Variants in SPTLC1 observed in about 807,000 individuals in gnomAD.
SPTLC1 encodes serine palmitoyltransferase long chain base subunit 1.
Under a neutral mutation model 68.9 loss-of-function variants are expected in SPTLC1, and 55 were observed. That is an observed-to-expected ratio of 0.80 (90% CI 0.64 to 1.00). SPTLC1 has a LOEUF of 1.00. SPTLC1 is among the 50% of genes least tolerant of loss of function. The pLI is 0.00. For synonymous variants in SPTLC1, 197 were observed against 201.6 expected (o/e 0.98, Z 0.19); for missense variants, 449 against 573.1 (o/e 0.78, Z 2.21).
At chr9:92,046,470 TA>T (rs954595567) in intron 11 of SPTLC1, 4 of 197,552 alleles carry the variant, frequency 2.0e-5, no homozygotes, top group African/African-American at 9.5e-5. Flanking sequence ...ATCCCAAAAC[TA>T]AAGTATCTGA....
intron 6 of SPTLC1, among the ~76,000 whole-genome samples, chr9:92,060,862 A>C (rs1834072507): frequency 6.6e-6 from 1 of 151,404 alleles, no homozygotes; most frequent in South Asian, 2.1e-4. Context: ...GCAGTGAGTC[A>C]AGATGGCGCC....
In SPTLC1 at chr9:92,112,217, G is replaced by A. The variant is rs543802184; in HGVS notation, c.165+238C>T. Among the ~76,000 whole-genome samples, 10 of 152,234 alleles carry A rather than the reference G, an allele frequency of 6.6e-5. No homozygotes were observed. In the South Asian group the frequency reaches 1.9e-3, roughly 28 times the overall value. ...CTTCCCTCTAACCATCTATTTGCAAGACTGCTGTTTACTCCTAGCAAAGTA... is the reference window on the plus strand; with the variant it reads ...CTTCCCTCTAACCATCTATTTGCAAAACTGCTGTTTACTCCTAGCAAAGTA... On this transcript the variant is annotated intron_variant, in intron 2 of 14. Transcript: ENST00000262554.
intron 3 of SPTLC1, among the ~76,000 whole-genome samples, chr9:92,102,929 C>T (rs966823781): frequency 4.6e-5 from 7 of 151,246 alleles, no homozygotes; most frequent in African/African-American, 1.7e-4. Flanking sequence ...CTCTCTTGGG[C>T]ATAAGAAAAC....
At chr9:92,081,003 C>T (rs1564104410) in intron 3 of SPTLC1, 40 bp from the exon 4 acceptor site, 2 of 1,442,544 alleles carry the variant, frequency 1.4e-6, no homozygotes, top group Non-Finnish European at 2.0e-6. Flanking sequence ...ATTACACATT[C>T]ATGTTACATG....
chr9:92,080,251 G>A (rs1834831393), intron 4 of SPTLC1, among the ~76,000 whole-genome samples, 163 bp from the exon 5 acceptor site: 2 of 152,132 alleles, frequency 1.3e-5, no homozygotes, highest in Non-Finnish European at 2.9e-5. Flanking sequence ...CTTAAAATAT[G>A]GAAAAGTTAT....
At chr9:92,100,487 C>A (rs1361656001) in intron 3 of SPTLC1, among the ~76,000 whole-genome samples, 6 of 152,208 alleles carry the variant, frequency 3.9e-5, no homozygotes, top group Admixed American at 3.3e-4. Flanking sequence ...GGTTTGCCTT[C>A]CACATCCTAG....
At chr9:92,070,057 G>A (rs548033243) in intron 5 of SPTLC1, 15 of 152,256 alleles carry the variant, frequency 9.9e-5, no homozygotes, top group Non-Finnish European at 1.9e-4. Flanking sequence ...AGGTATACTC[G>A]TAACTGTTTA....
Position 92,080,993 on chromosome 9 carries a change from A to C in SPTLC1, c.261-30T>G, listed in dbSNP as rs200765101. On this transcript the variant is annotated intron_variant, in intron 3 of 14. Coordinates refer to ENST00000262554, the MANE Select transcript of SPTLC1 (RefSeq NM_006415.4). ...GGAAGAGATAGAGTGGTACATGTCA[A>C]TTACACATTCATGTTACATGCTATC... is the stretch of plus-strand genomic sequence containing the variant. The C allele has an allele frequency of 4.6e-6, 7 of 1,513,896 alleles. No homozygotes were observed. The Admixed American group carries it at 1.2e-4, about 25-fold the overall frequency. The allele number at this position is 1,513,896 out of a possible 1,614,324, so 93.8% of individuals were successfully genotyped here.
chr9:92,078,205 C>T (rs934613676), intron 5 of SPTLC1, among the ~76,000 whole-genome samples: 2 of 152,246 alleles, frequency 1.3e-5, no homozygotes, highest in South Asian at 2.1e-4. Flanking sequence ...TGCTCTCCTC[C>T]GTACCTACCT....
intron 5 of SPTLC1, among the ~76,000 whole-genome samples, chr9:92,077,948 A>C (rs1469883872): frequency 6.6e-6 from 1 of 151,896 alleles, no homozygotes; most frequent in Non-Finnish European, 1.5e-5. Context: ...GCAAACCATC[A>C]ACCTCACCCA....
chr9:92,082,515 T>G (rs1206977119), intron 3 of SPTLC1, among the ~76,000 whole-genome samples: 1 of 150,838 alleles, frequency 6.6e-6, no homozygotes, highest in Non-Finnish European at 1.5e-5. Flanking sequence ...TTGCGATAGT[T>G]TACTGAGAAT....
intron 3 of SPTLC1, among the ~76,000 whole-genome samples, chr9:92,081,764 T>C (rs1008166609): frequency 6.6e-6 from 1 of 152,186 alleles, no homozygotes; most frequent in African/African-American, 2.4e-5. Context: ...ATCAGAACCA[T>C]GGCACAGGGT....
intron 12 of SPTLC1, among the ~76,000 whole-genome samples, chr9:92,040,773 AAAAAG>A (rs1276146420): frequency 1.3e-5 from 2 of 151,966 alleles, no homozygotes; most frequent in Admixed American, 6.6e-5. Context: ...AAAAAAAAAA[AAAAAG>A]AAAAGAAATA....
intron 12 of SPTLC1, among the ~76,000 whole-genome samples, chr9:92,041,036 T>A (rs954680214): frequency 2.4e-4 from 37 of 152,198 alleles, no homozygotes; most frequent in African/African-American, 8.2e-4. Context: ...TCCCAGTGGA[T>A]AAACGAGCAC....
Position 92,090,201 on chromosome 9 carries a change from T to C in SPTLC1, c.261-9238A>G, listed in dbSNP as rs1293872724. Among the ~76,000 whole-genome samples the C allele has an allele frequency of 4.6e-5, 7 of 152,202 alleles. No individual in the cohort carries two copies. The East Asian group carries it at 1.4e-3, about 29-fold the overall frequency. On this transcript the variant is annotated intron_variant, in intron 3 of 14. Coordinates refer to ENST00000262554, the MANE Select transcript of SPTLC1 (RefSeq NM_006415.4). ...TCTCAAATATAATAATCCTGGAGGA[T>C]ACAAAATAAGTGGAGGTCAAATATC... is the stretch of plus-strand genomic sequence containing the variant.
chr9:92,091,378 C>CAAGT (rs1480209728), intron 3 of SPTLC1, among the ~76,000 whole-genome samples: 2 of 152,082 alleles, frequency 1.3e-5, no homozygotes, highest in African/African-American at 2.4e-5. Flanking sequence ...GTTATGCATC[C>CAAGT]AAGTATTCAG....
At position 92,080,003 on chromosome 9, in the gene SPTLC1, A is replaced by C; in HGVS notation, c.427+13T>G. 6.2e-7 allele frequency: 1 copy of C among 1,610,596 alleles called. No individual in the cohort carries two copies. The highest frequency in any genetic ancestry group is 1.7e-4 in the Middle Eastern group (1 of 6,052). On this transcript the variant is annotated intron_variant, in intron 5 of 14. Transcript: ENST00000262554. Reference sequence around the variant, plus strand: ...AAAGCAGTAGTCTCAAAGAGAACACAACAAAAACTTACCAAATGTGCCATA... The same window carrying C: ...AAAGCAGTAGTCTCAAAGAGAACACCACAAAAACTTACCAAATGTGCCATA...
At chr9:92,087,211 G>A (rs1470700409) in intron 3 of SPTLC1, among the ~76,000 whole-genome samples, 1 of 152,158 alleles carries the variant, frequency 6.6e-6, no homozygotes, top group Admixed American at 6.5e-5. Context: ...GCTCAGAGTA[G>A]TTTGATCGTC....
At chr9:92,102,123 G>C (rs1835776587) in intron 3 of SPTLC1, among the ~76,000 whole-genome samples, 1 of 152,172 alleles carries the variant, frequency 6.6e-6, no homozygotes, top group African/African-American at 2.4e-5. Flanking sequence ...GGAAAGATGA[G>C]GATGATATAT....
Sources: gnomAD v4.1 joint callset for allele counts (sites outside exome capture counted in the v4.1 genomes callset) on GRCh38, gnomAD v4.1.1 for gene constraint, MANE v1.5 for transcripts, NCBI Gene and HGNC (gene_info 2026-07-23, HGNC 2026-07-21) for gene names.